The following SOX6 variants were observed in gnomAD, a reference collection of about 807,000 sequenced individuals.
SOX6 encodes SRY-box transcription factor 6.
Under a neutral mutation model 97.8 loss-of-function variants are expected in SOX6, and 11 were observed. That is an observed-to-expected ratio of 0.11 (90% confidence interval 0.07 to 0.19). The LOEUF (loss-of-function observed/expected upper bound fraction) is 0.19, where lower values mean the gene tolerates loss of function less well. Ranked by LOEUF, SOX6 falls within the 10% of genes least tolerant of loss-of-function variation. SOX6 has a pLI of 1.00. For synonymous variants in SOX6, 360 were observed against 371.4 expected, an observed-to-expected ratio of 0.97 and a Z score of 0.35; for missense variants, 810 against 1,039.5, an observed-to-expected ratio of 0.78 and a Z score of 3.04.
At chr11:16,513,247 G>A (rs1323649926) in intron 4 of SOX6, among the ~76,000 whole-genome samples, 2 of 152,192 alleles carry the variant, frequency 1.3e-5, no homozygotes, top group East Asian at 3.9e-4. Context: ...GCTTATGAGA[G>A]AAAGAGATAA....
chr11:16,177,064 A>C (rs74614655), intron 6 of SOX6, among the ~76,000 whole-genome samples: 3,884 of 152,028 alleles, frequency 0.026, 169 homozygotes, highest in African/African-American at 0.088. Context: ...TATTTTACCA[A>C]ATAAAACTAT....
chr11:16,243,364 C>T (rs1172262721), intron 3 of SOX6, among the ~76,000 whole-genome samples: 1 of 151,872 alleles, frequency 6.6e-6, no homozygotes, highest in Non-Finnish European at 1.5e-5. Context: ...TCTTGATGGT[C>T]AGGGAATGTT....
chr11:16,038,031 A>T (rs1048351968), intron 12 of SOX6, among the ~76,000 whole-genome samples: 1 of 152,190 alleles, frequency 6.6e-6, no homozygotes, highest in African/African-American at 2.4e-5. Context: ...AATTTTTTTT[A>T]AATTAAAAAT....
At chr11:15,995,391 T>C (rs1242295021) in intron 13 of SOX6, among the ~76,000 whole-genome samples, 1 of 152,172 alleles carries the variant, frequency 6.6e-6, no homozygotes, top group African/African-American at 2.4e-5. Flanking sequence ...TTCCACAAGT[T>C]CAACGTGTGC....
chr11:16,100,541 C>T (rs954697693), intron 7 of SOX6, among the ~76,000 whole-genome samples: 4 of 151,574 alleles, frequency 2.6e-5, no homozygotes, highest in African/African-American at 4.8e-5. Context: ...TCAGAATAGG[C>T]AGCATTCCTT....
At chr11:16,572,036 A>T (rs1847945080) in intron 4 of SOX6, among the ~76,000 whole-genome samples, 1 of 152,188 alleles carries the variant, frequency 6.6e-6, no homozygotes, top group South Asian at 2.1e-4. Context: ...TTGAAACATA[A>T]TCAAACGCAC....
Position 16,229,009 on chromosome 11 carries a change from T to C in SOX6, c.535+5573A>G, listed in dbSNP as rs1268229164. Among the ~76,000 whole-genome samples, 3 of 152,150 alleles carry C rather than the reference T, an allele frequency of 2.0e-5. No homozygotes were observed. The South Asian group carries it at 6.2e-4, about 31-fold the overall frequency. On this transcript the variant is annotated intron_variant, in intron 4 of 15. Coordinates refer to ENST00000683767, the MANE Select transcript of SOX6 (RefSeq NM_001367873.1). ...ATTATTTCTTAAATATGTAAAAATA[T>C]TAAGCTCCCTGAGTTGAAGAATCAT...
intron 1 of SOX6, among the ~76,000 whole-genome samples, chr11:16,371,217 T>G (rs983105953): frequency 6.6e-6 from 1 of 152,006 alleles, no homozygotes; most frequent in African/African-American, 2.4e-5. Flanking sequence ...CCAAGCACAC[T>G]TCTACCTCAG....
At chr11:16,108,542 G>A (rs1849153998) in intron 7 of SOX6, among the ~76,000 whole-genome samples, 1 of 151,876 alleles carries the variant, frequency 6.6e-6, no homozygotes, top group South Asian at 2.1e-4. Context: ...ATCACAATGT[G>A]AAAGAGCAAA....
At chr11:16,511,118 G>A (rs1860874323) in intron 4 of SOX6, among the ~76,000 whole-genome samples, 2 of 152,048 alleles carry the variant, frequency 1.3e-5, no homozygotes, top group Admixed American at 6.6e-5. Flanking sequence ...TCTAATTGAC[G>A]ACTTCTTACT....
At chr11:16,258,455 T>C (rs929166044) in intron 3 of SOX6, among the ~76,000 whole-genome samples, 1 of 151,970 alleles carries the variant, frequency 6.6e-6, no homozygotes, top group South Asian at 2.1e-4. Context: ...GCCAATCTCA[T>C]AAAGCTATTA....
chr11:16,371,867 G>C (rs1857501723), intron 1 of SOX6, among the ~76,000 whole-genome samples: 1 of 151,958 alleles, frequency 6.6e-6, no homozygotes, highest in East Asian at 1.9e-4. Flanking sequence ...TTAGATTTTG[G>C]AGCATTTCAG....
chr11:16,015,577 A>T (rs1209285305), intron 12 of SOX6, among the ~76,000 whole-genome samples: 2 of 152,020 alleles, frequency 1.3e-5, no homozygotes, highest in African/African-American at 2.4e-5. Flanking sequence ...CAGAATTTCA[A>T]CTGTGATTTT....
intron 4 of SOX6, among the ~76,000 whole-genome samples, chr11:16,549,743 T>C (rs1589981581): frequency 1.3e-5 from 2 of 152,106 alleles, no homozygotes; most frequent in East Asian, 1.9e-4. Context: ...CATCCATATA[T>C]TGGAATCTAC....
intron 3 of SOX6, among the ~76,000 whole-genome samples, chr11:16,308,513 G>A (rs563298658): frequency 2.0e-5 from 3 of 152,250 alleles, no homozygotes; most frequent in Non-Finnish European, 2.9e-5. Flanking sequence ...ATATCTGTAA[G>A]GATTCTCAAG....
chr11:16,086,717 C>G (rs939188678), intron 9 of SOX6, among the ~76,000 whole-genome samples: 5 of 152,258 alleles, frequency 3.3e-5, no homozygotes, highest in Non-Finnish European at 7.4e-5. Context: ...CAAAAACATA[C>G]TAAACATTTT....
chr11:16,635,931 T>C (rs1400465677), intron 3 of SOX6, among the ~76,000 whole-genome samples: 2 of 152,054 alleles, frequency 1.3e-5, no homozygotes, highest in Non-Finnish European at 2.9e-5. Context: ...TTTCAGAAAA[T>C]GTATAGAAAT....
intron 4 of SOX6, among the ~76,000 whole-genome samples, chr11:16,213,657 T>C (rs544390525): frequency 6.6e-6 from 1 of 152,266 alleles, no homozygotes; most frequent in African/African-American, 2.4e-5. Context: ...GAAAAATAGA[T>C]TTTAATATAA....
At chr11:16,668,028 T>C (rs1450786420) in intron 3 of SOX6, among the ~76,000 whole-genome samples, 1 of 152,214 alleles carries the variant, frequency 6.6e-6, no homozygotes, top group Non-Finnish European at 1.5e-5. Flanking sequence ...AAGTTATCAG[T>C]TTAAAATAAT....
Sources: gnomAD v4.1 joint callset for allele counts (sites outside exome capture counted in the v4.1 genomes callset) on GRCh38, gnomAD v4.1.1 for gene constraint, MANE v1.5 for transcripts, NCBI Gene and HGNC (gene_info 2026-07-23, HGNC 2026-07-21) for gene names.